The following R3HDM4 variants were observed in gnomAD, a reference collection of about 807,000 sequenced individuals.
R3HDM4 encodes R3H domain-containing protein 4.
Under a neutral mutation model 31.3 loss-of-function variants are expected in R3HDM4, and 30 were observed. That is an observed-to-expected ratio of 0.96 (90% CI 0.72 to 1.30). R3HDM4 has a LOEUF of 1.30. R3HDM4 is among the 50% of genes most tolerant of loss of function. The probability of loss-of-function intolerance (pLI) is 0.00; values close to 1 mark genes in which losing one functional copy is unlikely to be tolerated. For missense variants in R3HDM4, 444 were observed against 366.1 expected (o/e 1.21, Z -1.74); for synonymous variants, 196 against 156.6 (o/e 1.25, Z -1.88).
At chr19:909,838 G>T (rs528854858) in intron 1 of R3HDM4, among the ~76,000 whole-genome samples, 5 of 152,040 alleles carry the variant, frequency 3.3e-5, no homozygotes, top group Admixed American at 6.6e-5. Context: ...GACTCAGGAA[G>T]AAGAGCCCAT....
In R3HDM4 at chr19:899,998, G is replaced by T; in HGVS notation, c.561+63C>A. ...GCACCGGGTGAGAACCTGTGCCTGG[G>T]AAACGGGCCTTCAAAAAAGACCAGG... On this transcript the variant is annotated intron_variant, in intron 5 of 7. Coordinates refer to ENST00000361574, the MANE Select transcript of R3HDM4 (RefSeq NM_138774.4). The surrounding 1 kb of genome is among the most constrained non-coding windows in gnomAD (Gnocchi z 6.8). The T allele has an allele frequency of 6.6e-7, 1 of 1,505,348 alleles. No homozygotes were observed. The highest frequency in any genetic ancestry group is 9.2e-7 in the Non-Finnish European group (1 of 1,083,438). The allele number at this position is 1,505,348 out of a possible 1,614,324, so 93.2% of individuals were successfully genotyped here.
rs1033667501 is a variant in R3HDM4, at chr19:907,933, G to A, written c.71+5154C>T. 6.6e-6 allele frequency among the ~76,000 whole-genome samples: 1 copy of A among 152,190 alleles called. No homozygotes were observed. Among genetic ancestry groups the A allele is most frequent in the Non-Finnish European group, 1.5e-5 (1 of 68,046 alleles). ...GCAGGAAATTAAGAAACATCTTCAA[G>A]CTTGTCATCCCAGCACTTTGGGAGG... On this transcript the variant is annotated intron_variant, in intron 1 of 7. Transcript: ENST00000361574. This position sits in a 1 kb window ranked among gnomAD's most constrained non-coding sequence, Gnocchi z 4.1.
chr19:905,374 G>A (rs1233578217), intron 1 of R3HDM4, among the ~76,000 whole-genome samples: 3 of 150,170 alleles, frequency 2.0e-5, no homozygotes, highest in East Asian at 2.0e-4. Context: ...GCATGGTGAC[G>A]CATGCCTGTA....
In R3HDM4 at chr19:898,161, C is replaced by T. The variant is rs936885332; in HGVS notation, c.704-621G>A. Among the ~76,000 whole-genome samples, 9 of 150,460 alleles carry T rather than the reference C, an allele frequency of 6.0e-5. No individual in the cohort carries two copies. In the East Asian group the frequency reaches 1.2e-3, roughly 20 times the overall value. Reference sequence around the variant, plus strand: ...CAGCACTTTGGGAGGCTGAGGCAAGCGGATCACGAGGTCAGGTTGAGACCA... The same window carrying T: ...CAGCACTTTGGGAGGCTGAGGCAAGTGGATCACGAGGTCAGGTTGAGACCA... On this transcript the variant is annotated intron_variant, in intron 7 of 7. Transcript: ENST00000361574.
chr19:902,079 G>GA lies in R3HDM4; in HGVS notation c.122dup (p.Ser42LeufsTer99). 1 of 1,613,896 alleles carries GA rather than the reference G, an allele frequency of 6.2e-7. No individual in the cohort carries two copies. The highest frequency in any genetic ancestry group is 8.5e-7 in the Non-Finnish European group (1 of 1,180,010). On this transcript the variant is annotated frameshift_variant, in exon 2 of 8. Transcript: ENST00000361574. LOFTEE classifies it high-confidence loss of function. Reference sequence around the variant, plus strand: ...AGTGCTGTTTCCGCCTGGAAGCCGAGAGTCTCTTCACCTGGGAGCTGGCTA... The same window carrying GA: ...AGTGCTGTTTCCGCCTGGAAGCCGAGAAGTCTCTTCACCTGGGAGCTGGCTA...
Position 899,716 on chromosome 19 carries a change from C to T in R3HDM4, c.562-30G>A. ...GGAGAGCGGCCCGGTGGTCAGGGAA[C>T]TGCGGGACCTGTGGGTGGGGGGCCA... On this transcript the variant is annotated intron_variant, in intron 5 of 7. Coordinates refer to ENST00000361574, the MANE Select transcript of R3HDM4 (RefSeq NM_138774.4). This position sits in a 1 kb window ranked among gnomAD's most constrained non-coding sequence, Gnocchi z 6.8. 6.6e-7 allele frequency: 1 copy of T among 1,510,862 alleles called. No individual in the cohort carries two copies. Among genetic ancestry groups the T allele is most frequent in the Non-Finnish European group, 8.9e-7 (1 of 1,127,238 alleles). 93.6% of individuals were successfully genotyped at this position (1,510,862 alleles called of 1,614,324 possible).
intron 7 of R3HDM4, among the ~76,000 whole-genome samples, chr19:898,219 T>TGA (rs2036766595): frequency 7.3e-6 from 1 of 136,396 alleles, no homozygotes; most frequent in Non-Finnish European, 1.6e-5. Flanking sequence ...CTGTCTCTAC[T>TGA]AAAAAAAAAA....
intron 7 of R3HDM4, among the ~76,000 whole-genome samples, chr19:898,798 C>T (rs1344665721): frequency 6.6e-6 from 1 of 152,086 alleles, no homozygotes; most frequent in African/African-American, 2.4e-5. Flanking sequence ...GCCGGATGTT[C>T]TGAGCAGAGG....
In R3HDM4 at chr19:900,849, C is replaced by G. The variant is rs1194052600; in HGVS notation, c.455G>C (p.Arg152Pro). 4 of 1,545,678 alleles carry G rather than the reference C, an allele frequency of 2.6e-6. No homozygotes were observed. The highest frequency in any genetic ancestry group is 3.5e-6 in the Non-Finnish European group (4 of 1,146,486). Residue 152 changes from arginine to proline, a missense_variant, in exon 4 of 8, where the codon CGT (arginine) becomes CCT (proline). By Grantham distance (103) the Arg-to-Pro change is moderately radical. Coordinates refer to ENST00000361574, the MANE Select transcript of R3HDM4 (RefSeq NM_138774.4). ...CGCACCTCTCCTCCGGTCCTCCCCA[C>G]GGCCAGGGCCCCTCCTCCGCGCCTT... is the stretch of plus-strand genomic sequence containing the variant. ...RSKARRRGPGRGEDRRREDPA... is the reference protein window; with the variant it reads ...RSKARRRGPGPGEDRRREDPA...
At position 897,228 on chromosome 19, in the gene R3HDM4, T is replaced by C. The variant is rs1440937042; in HGVS notation, c.*209A>G. The C allele has an allele frequency of 9.8e-6, 5 of 512,136 alleles. No individual in the cohort carries two copies. The highest frequency in any genetic ancestry group is 5.9e-5 in the African/African-American group (3 of 50,830). 31.7% of individuals were successfully genotyped at this position (512,136 alleles called of 1,614,324 possible). On this transcript the variant is annotated 3_prime_UTR_variant, in exon 8 of 8. Coordinates refer to ENST00000361574, the MANE Select transcript of R3HDM4 (RefSeq NM_138774.4). ...AAACACAAGTCCCGGAGTGGGAAGC[T>C]TGGAGCTGGGATGGCATGGGCAGCC...
rs201183758 is a variant in R3HDM4, at chr19:906,494, G to A, written c.72-4364C>T. Among the ~76,000 whole-genome samples, 7 of 151,714 alleles carry A rather than the reference G, an allele frequency of 4.6e-5. No individual in the cohort carries two copies. In the East Asian group the frequency reaches 7.8e-4, roughly 17 times the overall value. ...TGGCCTCCCAAAGTGCTGGGATTAC[G>A]GGCATGAGCCACCGCGCCCGGCTCA... On this transcript the variant is annotated intron_variant, in intron 1 of 7. Transcript: ENST00000361574.
chr19:911,078 C>A (rs989432383), intron 1 of R3HDM4, among the ~76,000 whole-genome samples: 3 of 151,212 alleles, frequency 2.0e-5, no homozygotes, highest in Middle Eastern at 3.2e-3. Flanking sequence ...CCGAGATCGC[C>A]CCACTGCACT....
chr19:899,339 C>T lies in R3HDM4; in HGVS notation c.703+101G>A, dbSNP rs950916705. The T allele has an allele frequency of 2.5e-6, 3 of 1,196,396 alleles. No homozygotes were observed. The highest frequency in any genetic ancestry group is 3.7e-6 in the Non-Finnish European group (3 of 816,582). The allele number at this position is 1,196,396 out of a possible 1,614,324, so 74.1% of individuals were successfully genotyped here. ...CCCACTCCAGCCCCCTTCCCCACCT[C>T]CCCACCAAGCCCCACTCTGAGGAAC... is the stretch of plus-strand genomic sequence containing the variant. On this transcript the variant is annotated intron_variant, in intron 7 of 7. Coordinates refer to ENST00000361574, the MANE Select transcript of R3HDM4 (RefSeq NM_138774.4). This position sits in a 1 kb window ranked among gnomAD's most constrained non-coding sequence, Gnocchi z 6.8.
intron 1 of R3HDM4, among the ~76,000 whole-genome samples, chr19:911,946 G>T (rs1019665485): frequency 6.6e-6 from 1 of 151,478 alleles, no homozygotes; most frequent in East Asian, 2.0e-4. Flanking sequence ...CCGGGCGTGC[G>T]GCAGGGACCA....
Position 897,444 on chromosome 19 carries a change from T to C in R3HDM4, c.800A>G (p.His267Arg). The part of the protein sequence containing the change: ...GLLLSAYLEQ[H>R]S ...GTCTCCGCGGGGCCGCCATCAGCTG[T>C]GCTGCTCCAGGTAGGCGGACAGGAG... is the stretch of plus-strand genomic sequence containing the variant. The change falls in exon 8 of 8, where the codon CAC becomes CGC. Residue 267 changes from histidine (H) to arginine (R), a missense_variant. His to Arg is a conservative substitution (Grantham distance 29). Transcript: ENST00000361574. 3 of 1,608,868 alleles carry C rather than the reference T, an allele frequency of 1.9e-6. No individual in the cohort carries two copies. Among genetic ancestry groups the C allele is most frequent in the Non-Finnish European group, 2.5e-6 (3 of 1,178,040 alleles).
At chr19:912,251 G>T in intron 1 of R3HDM4, among the ~76,000 whole-genome samples, 1 of 34,120 alleles carries the variant, frequency 2.9e-5, no homozygotes, top group Non-Finnish European at 6.4e-5. Context: ...GGGGAGGTGG[G>T]GGGGGTGGAC....
intron 1 of R3HDM4, among the ~76,000 whole-genome samples, chr19:910,504 C>G (rs1387317626): frequency 1.3e-5 from 2 of 151,092 alleles, no homozygotes; most frequent in Admixed American, 6.6e-5. Context: ...TGGTAGCTCA[C>G]GCCTGTAATC....
intron 7 of R3HDM4, 132 bp from the exon 8 acceptor site, chr19:897,672 G>A (rs563885312): frequency 8.3e-5 from 57 of 685,628 alleles, no homozygotes; most frequent in African/African-American, 8.0e-4. Flanking sequence ...TGGTCACTGC[G>A]GCCTGGCTGG....
intron 1 of R3HDM4, among the ~76,000 whole-genome samples, chr19:910,309 G>C (rs918920777): frequency 3.4e-5 from 5 of 148,462 alleles, no homozygotes; most frequent in African/African-American, 2.6e-5. Context: ...TGGGCAACAA[G>C]AGCGAAACCA....
Sources: gnomAD v4.1 joint callset for allele counts (sites outside exome capture counted in the v4.1 genomes callset) on GRCh38, gnomAD v4.1.1 for gene constraint, Gnocchi (gnomAD v3.1) non-coding constraint, MANE v1.5 for transcripts, NCBI Gene and HGNC (gene_info 2026-07-23, HGNC 2026-07-21) for gene names.